The following MPDZ variants were observed in gnomAD, a reference collection of about 807,000 sequenced individuals.
MPDZ encodes multiple PDZ domain protein.
A neutral mutation model predicts 239.1 loss-of-function variants in MPDZ; 234 were observed. The ratio of observed to expected loss-of-function variants is 0.98; its 90% CI spans 0.88 to 1.09. The LOEUF (loss-of-function observed/expected upper bound fraction) is 1.09. Ranked by LOEUF, MPDZ falls within the 50% of genes least tolerant of loss-of-function variation. The pLI is 0.00. For synonymous variants in MPDZ, 1,048 were observed against 881.3 expected (o/e 1.19, Z -3.35); for missense variants, 3,175 against 2,510.0 (o/e 1.26, Z -5.66).
chr9:13,158,558 G>C (rs1429701169), intron 23 of MPDZ, among the ~76,000 whole-genome samples: 4 of 152,112 alleles, frequency 2.6e-5, no homozygotes, highest in Admixed American at 2.0e-4. Context: ...AGTTTGCCAA[G>C]AGTTTAGTAT....
rs1947085508 is a variant in MPDZ, at chr9:13,137,974, C to T, written c.4183G>A (p.Ala1395Thr). Residue 1395 changes from alanine (A) to threonine (T), a missense_variant, in exon 29 of 47, where the codon GCA (alanine) becomes ACA (threonine). Physicochemically the swap from Ala to Thr is moderately conservative, Grantham distance 58 (BLOSUM62 0). Coordinates refer to ENST00000319217, the MANE Select transcript of MPDZ (RefSeq NM_001378778.1). Reference sequence around the variant, plus strand: ...AAACTTACCTCTAGAAGCTCATCTGCAATTTGCAATCGACCATCTTTTCCT... The same window carrying T: ...AAACTTACCTCTAGAAGCTCATCTGTAATTTGCAATCGACCATCTTTTCCT... ...AAGKDGRLQI[A>T]DELLEINGQI... The T allele has an allele frequency of 2.5e-6, 4 of 1,613,660 alleles. No individual in the cohort carries two copies. Among genetic ancestry groups the T allele is most frequent in the African/African-American group, 1.3e-5 (1 of 74,914 alleles).
chr9:13,133,685 C>T (rs755563601), intron 32 of MPDZ, 139 bp downstream of exon 32: 4 of 540,826 alleles, frequency 7.4e-6, no homozygotes, highest in South Asian at 3.4e-5. Context: ...TGAGTGGGCC[C>T]AAGTATTTGC....
intron 21 of MPDZ, 119 bp from the exon 22 acceptor site, chr9:13,168,683 T>G: frequency 1.3e-6 from 1 of 788,130 alleles, no homozygotes; most frequent in Non-Finnish European, 1.9e-6. Flanking sequence ...TTTCAGTCAA[T>G]AAAAAGCATA....
rs1955008692 is a variant in MPDZ, at chr9:13,192,100, T to C, written c.1968+31A>G. 2.0e-6 allele frequency: 3 copies of C among 1,518,426 alleles called. No homozygotes were observed. In the East Asian group the frequency reaches 7.0e-5, roughly 35 times the overall value. 94.1% of individuals were successfully genotyped at this position (1,518,426 alleles called of 1,614,324 possible). ...CCATTTAGCCTTTCCATTATATATG[T>C]AGGTTAGCCTCATGTATGCAAATCT... is the stretch of plus-strand genomic sequence containing the variant. On this transcript the variant is annotated intron_variant, in intron 15 of 46. Transcript: ENST00000319217.
chr9:13,273,291 G>A (rs868120385), intron 1 of MPDZ, among the ~76,000 whole-genome samples: 2 of 152,272 alleles, frequency 1.3e-5, no homozygotes, highest in East Asian at 1.9e-4. Flanking sequence ...TAAATATATC[G>A]GAAAGGAGTT....
intron 30 of MPDZ, 148 bp from the exon 31 acceptor site, chr9:13,136,330 T>A (rs1351482120): frequency 2.3e-6 from 1 of 435,470 alleles, no homozygotes; most frequent in Non-Finnish European, 3.9e-6. Flanking sequence ...GTTTTCTTTT[T>A]TTTTTTTTTT....
At chr9:13,263,920 T>A in intron 1 of MPDZ, among the ~76,000 whole-genome samples, 1 of 152,182 alleles carries the variant, frequency 6.6e-6, no homozygotes, top group East Asian at 1.9e-4. Flanking sequence ...AAGCTAATAC[T>A]AAATTATGGA....
At chr9:13,163,716 T>C (rs1298570246) in intron 22 of MPDZ, among the ~76,000 whole-genome samples, 1 of 152,162 alleles carries the variant, frequency 6.6e-6, no homozygotes, top group Non-Finnish European at 1.5e-5. Context: ...ACAAAGATTA[T>C]TAAACCCTCT....
chr9:13,138,243 A>G (rs1947131946), intron 28 of MPDZ, 90 bp from the exon 29 acceptor site: 2 of 1,306,422 alleles, frequency 1.5e-6, no homozygotes, highest in Non-Finnish European at 2.0e-6. Context: ...TTACCTCAAA[A>G]GGACAGATTT....
At chr9:13,218,468 C>G (rs567993860) in intron 8 of MPDZ, among the ~76,000 whole-genome samples, 2 of 151,912 alleles carry the variant, frequency 1.3e-5, no homozygotes, top group South Asian at 2.1e-4. Context: ...ATTTATATAT[C>G]GCTGAATAAA....
chr9:13,226,108 C>T (rs1960503303), intron 3 of MPDZ, among the ~76,000 whole-genome samples: 1 of 151,994 alleles, frequency 6.6e-6, no homozygotes, highest in Admixed American at 6.6e-5. Context: ...TGTAGCTGGA[C>T]CCTAACTCGC....
intron 36 of MPDZ, 44 bp from the exon 37 acceptor site, chr9:13,122,214 T>C (rs1400709907): frequency 3.9e-6 from 6 of 1,548,258 alleles, no homozygotes; most frequent in Admixed American, 1.7e-5. Context: ...CCCATTCTCC[T>C]AGGAATGGTG....
Position 13,121,857 on chromosome 9 carries a change from G to A in MPDZ, c.5113C>T (p.Arg1705Cys), listed in dbSNP as rs529673809. The A allele has an allele frequency of 8.2e-5, 133 of 1,613,612 alleles. No individual in the cohort carries two copies. The highest frequency in any genetic ancestry group is 4.3e-4 in the South Asian group (39 of 91,056). ...NVLRQTPQRVRLTLYRDEAPY... is the reference protein window; with the variant it reads ...NVLRQTPQRVCLTLYRDEAPY... ...GCCTCATCTCTGTAGAGTGTCAGGC[G>A]CACTCTCTGTGGCGTCTGTCTCAGG... The change falls in exon 38 of 47, where the codon CGC (arginine) becomes TGC (cysteine). Residue 1705 changes from arginine (R) to cysteine (C), a missense_variant. Coordinates refer to ENST00000319217, the MANE Select transcript of MPDZ (RefSeq NM_001378778.1).
intron 28 of MPDZ, among the ~76,000 whole-genome samples, chr9:13,139,730 G>A (rs189549217): frequency 6.6e-6 from 1 of 152,278 alleles, no homozygotes; most frequent in East Asian, 1.9e-4. Context: ...CTGAGAGAGT[G>A]CCCTGTCCTT....
intron 19 of MPDZ, among the ~76,000 whole-genome samples, chr9:13,181,239 T>C (rs907985116): frequency 2.0e-5 from 3 of 152,162 alleles, no homozygotes; most frequent in African/African-American, 4.8e-5. Flanking sequence ...AAAAATCATA[T>C]ACTATACGGT....
chr9:13,221,138 A>C (rs750677547), intron 7 of MPDZ, among the ~76,000 whole-genome samples: 4 of 152,008 alleles, frequency 2.6e-5, no homozygotes, highest in Non-Finnish European at 4.4e-5. Flanking sequence ...TGAGGTTCAA[A>C]AGTGTTAAAC....
chr9:13,197,860 T>C lies in MPDZ; in HGVS notation c.1547-1630A>G, dbSNP rs183563598. ...AGATCATGCGGTATGTGTCTTTCTG[T>C]GCTTGGTTTATTTCACTTAACACAA... On this transcript the variant is annotated intron_variant, in intron 12 of 46. Coordinates refer to ENST00000319217, the MANE Select transcript of MPDZ (RefSeq NM_001378778.1). Among the ~76,000 whole-genome samples, 10 of 152,234 alleles carry C rather than the reference T, an allele frequency of 6.6e-5. No homozygotes were observed. The East Asian group carries it at 1.9e-3, about 29-fold the overall frequency.
At chr9:13,262,562 T>C (rs186724850) in intron 1 of MPDZ, among the ~76,000 whole-genome samples, 10 of 151,688 alleles carry the variant, frequency 6.6e-5, no homozygotes, top group Admixed American at 3.3e-4. Flanking sequence ...AAAACTTTAA[T>C]GTACCACTAA....
intron 32 of MPDZ, among the ~76,000 whole-genome samples, chr9:13,130,814 A>G (rs1945876975): frequency 6.6e-6 from 1 of 152,220 alleles, no homozygotes; most frequent in Non-Finnish European, 1.5e-5. Flanking sequence ...TCTTGATTCA[A>G]ATCAGTTTGA....
Sources: gnomAD v4.1 joint callset for allele counts (sites outside exome capture counted in the v4.1 genomes callset) on GRCh38, gnomAD v4.1.1 for gene constraint, MANE v1.5 for transcripts, NCBI Gene and HGNC (gene_info 2026-07-23, HGNC 2026-07-21) for gene names.